PPP6R2: variants seen among roughly 807,000 people sequenced by gnomAD.
PPP6R2 encodes serine/threonine-protein phosphatase 6 regulatory subunit 2.
Under a neutral mutation model 100.2 loss-of-function variants are expected in PPP6R2, and 62 were observed. That is an observed-to-expected ratio of 0.62 (90% CI 0.50 to 0.76). The LOEUF (loss-of-function observed/expected upper bound fraction) is 0.76, where lower values mean the gene tolerates loss of function less well. Ranked by LOEUF, PPP6R2 falls within the 30% of genes least tolerant of loss-of-function variation. PPP6R2 has a pLI of 0.00. For synonymous variants in PPP6R2, 525 were observed against 514.7 expected (o/e 1.02, Z -0.27); for missense variants, 1,142 against 1,276.3 (o/e 0.89, Z 1.60).
chr22:50,337,316 G>T, the PPP6R2 span, among the ~76,000 whole-genome samples: 1 of 138,818 alleles, frequency 7.2e-6, no homozygotes, highest in African/African-American at 2.7e-5. Flanking sequence ...GTGTGCGCCT[G>T]CATGTGTGTG....
At position 50,382,836 on chromosome 22, in the gene PPP6R2, A is replaced by ATTTT. The variant is rs532410577; in HGVS notation, c.-17+10702_-17+10705dup. On this transcript the variant is annotated intron_variant, in intron 2 of 23. Transcript: ENST00000612753. ...GGAAAAGGGTGAAATTTACAAGCAA[A>ATTTT]TTTTTTTTTTTTTTTTTTTGAGATA... is the stretch of plus-strand genomic sequence containing the variant. 5.9e-4 allele frequency among the ~76,000 whole-genome samples: 83 copies of ATTTT among 141,286 alleles called. 1 individual carries two copies. Among genetic ancestry groups the ATTTT allele is most frequent in the Admixed American group, 4.0e-3 (56 of 14,058 alleles). 92.7% of individuals were successfully genotyped at this position (141,286 alleles called of 152,430 possible).
intron 2 of PPP6R2, among the ~76,000 whole-genome samples, chr22:50,387,411 C>A (rs1356447833): frequency 6.6e-6 from 1 of 152,110 alleles, no homozygotes; most frequent in Non-Finnish European, 1.5e-5. Flanking sequence ...TTGTCCCACT[C>A]CACCCCCTTT....
At chr22:50,403,184 G>A (rs545181528) in intron 3 of PPP6R2, among the ~76,000 whole-genome samples, 1 of 152,224 alleles carries the variant, frequency 6.6e-6, no homozygotes, top group South Asian at 2.1e-4. Flanking sequence ...TCCAGCCTGG[G>A]CAACAGAGCA....
At chr22:50,338,069 G>A in the PPP6R2 span, among the ~76,000 whole-genome samples, 1 of 149,218 alleles carries the variant, frequency 6.7e-6, no homozygotes, top group Non-Finnish European at 1.5e-5. Flanking sequence ...TGTGGTGTGT[G>A]TGGTGTGTGT....
chr22:50,443,872 G>C lies in PPP6R2; in HGVS notation c.2586G>C (p.Gly862=). The change falls in exon 23 of 24, where the codon GGG becomes GGC. Residue 862 remains glycine, a synonymous_variant. Transcript: ENST00000612753. The part of the protein sequence containing the change: ...ARTEEAVGRV[G]CADSRLLSPA... The stretch of plus-strand genomic sequence containing the variant: ...GTCCATGTTTGCCACACAGGGTCGG[G>C]TGTGCTGACAGCCGGCTGTTAAGCC... 6.3e-7 allele frequency: 1 copy of C among 1,579,570 alleles called. No individual in the cohort carries two copies. Among genetic ancestry groups the C allele is most frequent in the African/African-American group, 1.3e-5 (1 of 74,088 alleles).
At chr22:50,393,465 G>A (rs574337086) in intron 2 of PPP6R2, 220 of 984,792 alleles carry the variant, frequency 2.2e-4, no homozygotes, top group Admixed American at 3.1e-4. Flanking sequence ...ACACCTGGGC[G>A]CATTCGCCTA....
At position 50,443,938 on chromosome 22, in the gene PPP6R2, C is replaced by T. The variant is rs141419297; in HGVS notation, c.2652C>T (p.Ala884=). 199 of 1,608,604 alleles carry T rather than the reference C, an allele frequency of 1.2e-4. No homozygotes were observed. Among genetic ancestry groups the T allele is most frequent in the East Asian group, 9.0e-4 (40 of 44,618 alleles). The change falls in exon 23 of 24, where the codon GCC becomes GCT. Residue 884 remains alanine (A), a synonymous_variant. Transcript: ENST00000612753. ...CAAAGGAAGTGACTGCTGCCCCAGCCGTGGCTGTGCCCCCCGAGGCTACTG... is the reference window on the plus strand; with the variant it reads ...CAAAGGAAGTGACTGCTGCCCCAGCTGTGGCTGTGCCCCCCGAGGCTACTG... ...PAPKEVTAAP[A]VAVPPEATVA... is the part of the protein sequence containing the mutation.
In PPP6R2 at chr22:50,394,173, A is replaced by G. The variant is rs12160198; in HGVS notation, c.227+38A>G. ...GCTGTGACGGGCCAGTACGCCAGGC[A>G]GTGCTGCAGGCAGGCCGCAGGCAGT... On this transcript the variant is annotated intron_variant, in intron 3 of 23. Coordinates refer to ENST00000612753, the MANE Select transcript of PPP6R2 (RefSeq NM_001242898.2). 1.9e-6 allele frequency: 3 copies of G among 1,604,008 alleles called. No individual in the cohort carries two copies. The African/African-American group carries it at 4.0e-5, about 21-fold the overall frequency.
chr22:50,434,874 A>T, intron 12 of PPP6R2, 92 bp from the exon 13 acceptor site: 1 of 1,146,612 alleles, frequency 8.7e-7, no homozygotes, highest in Non-Finnish European at 1.2e-6. Flanking sequence ...CTCCGAAGTG[A>T]ACCTGGAGGC....
intron 1 of PPP6R2, among the ~76,000 whole-genome samples, chr22:50,364,213 T>C (rs73188931): frequency 0.027 from 4,035 of 152,212 alleles, 61 homozygotes; most frequent in Non-Finnish European, 0.04. Context: ...TTCAGACTTA[T>C]TGTGAGGCCA....
At chr22:50,339,054 TATGTG>T (rs1165182983), upstream of PPP6R2, among the ~76,000 whole-genome samples, 5 of 122,364 alleles carry the variant, frequency 4.1e-5, no homozygotes, top group East Asian at 3.0e-4. Flanking sequence ...TGTAGTGTGT[TATGTG>T]GTGTGGTGTA....
intron 1 of PPP6R2, among the ~76,000 whole-genome samples, chr22:50,371,319 C>T (rs916376630): frequency 5.3e-5 from 8 of 151,914 alleles, no homozygotes; most frequent in African/African-American, 9.7e-5. Context: ...GCACTAAGTT[C>T]GGCATCAGTA....
At chr22:50,377,901 C>T (rs560778460) in intron 2 of PPP6R2, among the ~76,000 whole-genome samples, 3 of 151,968 alleles carry the variant, frequency 2.0e-5, no homozygotes, top group South Asian at 2.1e-4. Context: ...CAGCTACTCA[C>T]GAGGCTGAGG....
chr22:50,356,397 G>A (rs906057315), intron 1 of PPP6R2, among the ~76,000 whole-genome samples: 7 of 150,016 alleles, frequency 4.7e-5, no homozygotes, highest in Non-Finnish European at 1.0e-4. Flanking sequence ...AACCTTCCCA[G>A]GCTGAGGTAG....
At chr22:50,426,360 G>C (rs531690464) in intron 10 of PPP6R2, among the ~76,000 whole-genome samples, 36 of 152,228 alleles carry the variant, frequency 2.4e-4, no homozygotes, top group African/African-American at 8.7e-4. Flanking sequence ...ATCCAAAAAA[G>C]TCATTGCCAA....
intron 15 of PPP6R2, 27 bp from the exon 16 acceptor site, chr22:50,437,479 G>C (rs764770028): frequency 1.2e-5 from 9 of 776,314 alleles, no homozygotes; most frequent in South Asian, 8.2e-5. Context: ...GTGTCTGTCC[G>C]TCCCTCCCTC....
intron 2 of PPP6R2, among the ~76,000 whole-genome samples, chr22:50,384,560 A>T (rs1281430542): frequency 6.6e-6 from 1 of 152,100 alleles, no homozygotes; most frequent in Non-Finnish European, 1.5e-5. Context: ...GTCTCAAAAA[A>T]AGAAAAGAAA....
rs559176889 is a variant in PPP6R2 at position 50,412,630 on chromosome 22, C to G, written c.415-1922C>G. 6.3e-4 allele frequency among the ~76,000 whole-genome samples: 50 copies of G among 79,896 alleles called. No individual in the cohort carries two copies. In the East Asian group the frequency reaches 0.021, roughly 33 times the overall value. 52.4% of individuals were successfully genotyped at this position (79,896 alleles called of 152,430 possible). A position where few individuals can be genotyped will look rare whatever the true frequency, so the allele number is the denominator to read the frequency against. ...TGTTTCTTGTCAGTTTAAATAAGTC[C>G]TTTTTTTTTTTTTTTTTTTTTTTTT... is the stretch of plus-strand genomic sequence containing the variant. On this transcript the variant is annotated intron_variant, in intron 4 of 23. Coordinates refer to ENST00000612753, the MANE Select transcript of PPP6R2 (RefSeq NM_001242898.2).
At chr22:50,396,040 C>G (rs929753035) in intron 3 of PPP6R2, among the ~76,000 whole-genome samples, 5 of 149,978 alleles carry the variant, frequency 3.3e-5, no homozygotes, top group Non-Finnish European at 7.4e-5. Flanking sequence ...AATAAAAATA[C>G]AAAAATTAGC....
Sources: allele counts gnomAD v4.1 joint callset (sites outside exome capture counted in the v4.1 genomes callset), GRCh38; gene constraint gnomAD v4.1.1; transcripts MANE v1.5; gene names NCBI Gene and HGNC (gene_info 2026-07-23, HGNC 2026-07-21).